Variants in HEATR1 observed in about 807,000 individuals in gnomAD.
The protein encoded by HEATR1 is HEAT repeat-containing protein 1.
A neutral mutation model predicts 248.2 loss-of-function variants in HEATR1; 77 were observed. The ratio of observed to expected loss-of-function variants is 0.31; its 90% CI spans 0.26 to 0.37. The LOEUF (loss-of-function observed/expected upper bound fraction) is 0.37. Ranked by LOEUF, HEATR1 falls within the 10% of genes least tolerant of loss-of-function variation. The pLI, the probability that HEATR1 is intolerant of heterozygous loss-of-function variation, is 1.00. For synonymous variants in HEATR1, 897 were observed against 923.1 expected (o/e 0.97, Z 0.51); for missense variants, 2,420 against 2,504.9 (o/e 0.97, Z 0.72).
chr1:236,572,949 G>T, intron 24 of HEATR1, 121 bp from the exon 25 acceptor site: 1 of 871,520 alleles, frequency 1.1e-6, no homozygotes, highest in Non-Finnish European at 1.8e-6. Flanking sequence ...TACTGGATAT[G>T]CATCTGAACC....
Position 236,576,588 on chromosome 1 carries a change from T to A in HEATR1, c.2925+192A>T, listed in dbSNP as rs2853596. ...TAAACCTTTATCCAATGAAAAGAAC[T>A]AAATTGAAATATGACATTGCTATCT... On this transcript the variant is annotated intron_variant, in intron 21 of 44. Transcript: ENST00000366582. Among the ~76,000 whole-genome samples, 96,550 of 152,086 alleles carry A rather than the reference T, an allele frequency of 0.63. 31,682 individuals carry two copies. Among genetic ancestry groups the A allele is most frequent in the Non-Finnish European group, 0.72 (48,741 of 68,000 alleles).
chr1:236,601,569 G>A (rs1664324903), intron 3 of HEATR1, among the ~76,000 whole-genome samples: 1 of 151,934 alleles, frequency 6.6e-6, no homozygotes, highest in South Asian at 2.1e-4. Context: ...TTGGGAGGCC[G>A]ACTCGGCAGG....
chr1:236,551,085 G>A, intron 44 of HEATR1, 95 bp from the exon 45 acceptor site: 1 of 904,146 alleles, frequency 1.1e-6, no homozygotes, highest in Non-Finnish European at 1.6e-6. Flanking sequence ...GCACTTTCCG[G>A]CAATCATTCA....
intron 35 of HEATR1, 53 bp from the exon 36 acceptor site, chr1:236,558,582 T>TG: frequency 6.5e-7 from 1 of 1,532,422 alleles, no homozygotes; most frequent in Non-Finnish European, 8.8e-7. Flanking sequence ...AAAATGTTTG[T>TG]CCATTTTCCC....
At chr1:236,600,372 C>G (rs867380830) in intron 3 of HEATR1, among the ~76,000 whole-genome samples, 66 of 151,788 alleles carry the variant, frequency 4.3e-4, no homozygotes, top group African/African-American at 1.6e-3. Context: ...CTCAGGCAAT[C>G]TACCTGCCTC....
intron 23 of HEATR1, 28 bp downstream of exon 23, chr1:236,574,633 G>T: frequency 6.2e-7 from 1 of 1,601,750 alleles, no homozygotes; most frequent in South Asian, 1.1e-5. Context: ...AACATGCTAT[G>T]CCTTAGTTTC....
At chr1:236,577,332 G>C (rs1558185330) in intron 20 of HEATR1, among the ~76,000 whole-genome samples, 2 of 152,112 alleles carry the variant, frequency 1.3e-5, no homozygotes, top group Non-Finnish European at 2.9e-5. Flanking sequence ...GGTATTGTTA[G>C]TAGAGACTGG....
intron 28 of HEATR1, 96 bp from the exon 29 acceptor site, chr1:236,569,220 G>T: frequency 1.1e-6 from 1 of 924,612 alleles, no homozygotes; most frequent in Non-Finnish European, 1.6e-6. Flanking sequence ...ATTCAGGCTG[G>T]GATGCAGTGC....
chr1:236,585,374 A>G (rs1198091190), intron 16 of HEATR1, among the ~76,000 whole-genome samples, 158 bp from the exon 17 acceptor site: 2 of 152,230 alleles, frequency 1.3e-5, no homozygotes, highest in African/African-American at 2.4e-5. Flanking sequence ...CTAAGTAATT[A>G]TAAGAATAAT....
At chr1:236,582,894 A>T in intron 18 of HEATR1, 22 bp from the exon 19 acceptor site, 1 of 1,613,114 alleles carries the variant, frequency 6.2e-7, no homozygotes, top group Non-Finnish European at 8.5e-7. Context: ...TGGAAAGAGA[A>T]ATGATGCTAG....
Position 236,549,018 on chromosome 1 carries a change from A to C in HEATR1, c.*1884T>G, listed in dbSNP as rs1214793179. The C allele has an allele frequency of 1.3e-5, 5 of 398,516 alleles. No homozygotes were observed. The highest frequency in any genetic ancestry group is 2.2e-5 in the Non-Finnish European group (5 of 226,060). The allele number at this position is 398,516 out of a possible 1,614,324, so 24.7% of individuals were successfully genotyped here. A position where few individuals can be genotyped will look rare whatever the true frequency, so the allele number is the denominator to read the frequency against. Reference sequence around the variant, plus strand: ...AGGCAAGATGCATTCAATTTGAAAGATATTTATGGGCAACAAAGTAAGGTC... The same window carrying C: ...AGGCAAGATGCATTCAATTTGAAAGCTATTTATGGGCAACAAAGTAAGGTC... On this transcript the variant is annotated 3_prime_UTR_variant, in exon 45 of 45. Transcript: ENST00000366582.
Position 236,603,905 on chromosome 1 carries a change from C to G in HEATR1, c.142+49G>C, listed in dbSNP as rs201635459. 2.7e-5 allele frequency: 42 copies of G among 1,567,902 alleles called. No homozygotes were observed. In the African/African-American group the frequency reaches 3.5e-4, roughly 13 times the overall value. ...GGGAAAAAAAAAAAACAGTAACATC[C>G]AGAAAACAAACGCTTCCAAGAGCTT... On this transcript the variant is annotated intron_variant, in intron 2 of 44. Coordinates refer to ENST00000366582, the MANE Select transcript of HEATR1 (RefSeq NM_018072.6).
At chr1:236,567,089 G>C (rs1000688376) in intron 29 of HEATR1, among the ~76,000 whole-genome samples, 10 of 152,076 alleles carry the variant, frequency 6.6e-5, no homozygotes, top group Non-Finnish European at 1.5e-4. Context: ...TGAGCTCAAA[G>C]AGATCCTCCT....
chr1:236,576,360 A>G lies in HEATR1; in HGVS notation c.2943T>C (p.Phe981=), dbSNP rs748568017. ...AYVIQDLATL[F]EELQREKKLK... The stretch of plus-strand genomic sequence containing the variant: ...GTTTCTTTTCTCTCTGTAGTTCCTC[A>G]AATAAAGTAGCCAAATCCTAAGATA... Residue 981 remains phenylalanine (F), a synonymous_variant, in exon 22 of 45, where the codon TTT becomes TTC. Coordinates refer to ENST00000366582, the MANE Select transcript of HEATR1 (RefSeq NM_018072.6). The G allele has an allele frequency of 8.2e-6, 13 of 1,588,000 alleles. No individual in the cohort carries two copies. The South Asian group carries it at 1.5e-4, about 19-fold the overall frequency.
chr1:236,578,473 T>A (rs1663624769), intron 20 of HEATR1, among the ~76,000 whole-genome samples: 1 of 152,218 alleles, frequency 6.6e-6, no homozygotes, highest in Non-Finnish European at 1.5e-5. Flanking sequence ...GAATTTTTGA[T>A]CATGTTACTC....
intron 29 of HEATR1, among the ~76,000 whole-genome samples, chr1:236,568,086 A>T (rs1158114956): frequency 6.6e-6 from 1 of 152,228 alleles, no homozygotes; most frequent in Non-Finnish European, 1.5e-5. Context: ...TGCTGTGCAC[A>T]TTCCTAGATC....
At chr1:236,604,319 G>T in intron 1 of HEATR1, 103 bp downstream of exon 1, 1 of 436,258 alleles carries the variant, frequency 2.3e-6, no homozygotes, top group Non-Finnish European at 4.0e-6. Context: ...CCGCGCCAAG[G>T]CTTTCCTTCA....
At chr1:236,579,728 T>A (rs1056544555) in intron 20 of HEATR1, among the ~76,000 whole-genome samples, 1 of 152,154 alleles carries the variant, frequency 6.6e-6, no homozygotes, top group Non-Finnish European at 1.5e-5. Flanking sequence ...AATAAAAAAT[T>A]ACTTTTGTGG....
At chr1:236,557,128 A>G in intron 37 of HEATR1, 67 bp downstream of exon 37, 1 of 1,504,434 alleles carries the variant, frequency 6.6e-7, no homozygotes, top group Non-Finnish European at 8.9e-7. Flanking sequence ...AAACAAAATC[A>G]CTACATTTGT....
Sources: gnomAD v4.1 joint callset for allele counts (sites outside exome capture counted in the v4.1 genomes callset) on GRCh38, gnomAD v4.1.1 for gene constraint, MANE v1.5 for transcripts, NCBI Gene and HGNC (gene_info 2026-07-23, HGNC 2026-07-21) for gene names.